RGS20: variants seen among roughly 807,000 people sequenced by gnomAD.
RGS20 encodes the protein gz-selective GTPase-activating protein.
RGS20 carries 30 observed loss-of-function variants against 33.6 expected under a neutral mutation model. That is an observed-to-expected ratio of 0.89 (90% confidence interval 0.67 to 1.21). The LOEUF is 1.21. Among genes scored for constraint, RGS20 ranks in the 50% most tolerant of loss-of-function variants. The pLI is 0.00. For synonymous variants in RGS20, 208 were observed against 197.9 expected (o/e 1.05, Z -0.43); for missense variants, 472 against 502.4 (o/e 0.94, Z 0.58).
chr8:53,946,417 A>C (rs1365114358), intron 3 of RGS20: 2 of 456,376 alleles, frequency 4.4e-6, no homozygotes, highest in Non-Finnish European at 8.0e-6. Context: ...TATTCTAAGT[A>C]TAATTGAACA....
At chr8:53,859,992 C>T (rs561010200) in intron 1 of RGS20, among the ~76,000 whole-genome samples, 2 of 152,266 alleles carry the variant, frequency 1.3e-5, no homozygotes, top group South Asian at 2.1e-4. Flanking sequence ...ACAGCCAAAC[C>T]ATATCGGGGA....
chr8:53,930,027 G>C (rs1049902774), intron 2 of RGS20, among the ~76,000 whole-genome samples: 1 of 152,126 alleles, frequency 6.6e-6, no homozygotes, highest in African/African-American at 2.4e-5. Flanking sequence ...AGAAAGTCTT[G>C]AGGAAGACAA....
chr8:53,905,521 C>T (rs1813139349), intron 2 of RGS20, among the ~76,000 whole-genome samples: 1 of 152,208 alleles, frequency 6.6e-6, no homozygotes, highest in Non-Finnish European at 1.5e-5. Context: ...CCAGCGTCCT[C>T]TCAAACTTAG....
chr8:53,918,858 C>T (rs934559816), intron 2 of RGS20, among the ~76,000 whole-genome samples: 1 of 152,138 alleles, frequency 6.6e-6, no homozygotes, highest in Non-Finnish European at 1.5e-5. Context: ...ATAATGTTTA[C>T]AACAATAAAC....
At position 53,958,620 on chromosome 8, in the gene RGS20, AAAC is replaced by A. The variant is rs1814946645; in HGVS notation, c.*163_*165del. ...ACAGACTGCTATATATTCACCATGTAAACTGCAGCCACCTTTAGTGATACTTTT... is the reference window on the plus strand; with the variant it reads ...ACAGACTGCTATATATTCACCATGTATGCAGCCACCTTTAGTGATACTTTT... On this transcript the variant is annotated 3_prime_UTR_variant, in exon 6 of 6. Transcript: ENST00000297313. 2.7e-6 allele frequency: 1 copy of A among 366,516 alleles called. No individual in the cohort carries two copies. The highest frequency in any genetic ancestry group is 4.7e-6 in the Non-Finnish European group (1 of 212,232). The allele number at this position is 366,516 out of a possible 1,614,324, so 22.7% of individuals were successfully genotyped here. A position where few individuals can be genotyped will look rare whatever the true frequency, so the allele number is the denominator to read the frequency against.
chr8:53,859,211 T>C (rs545232043), intron 1 of RGS20, among the ~76,000 whole-genome samples: 196 of 152,294 alleles, frequency 1.3e-3, no homozygotes, highest in Middle Eastern at 3.4e-3. Context: ...CGAACAAACT[T>C]TTCATATTCT....
At chr8:53,933,169 A>G (rs1343786338) in intron 2 of RGS20, among the ~76,000 whole-genome samples, 1 of 152,322 alleles carries the variant, frequency 6.6e-6, no homozygotes, top group East Asian at 1.9e-4. Flanking sequence ...CAGTGCAAAA[A>G]GGCTGAAAAT....
chr8:53,909,753 A>T (rs1217693025), intron 2 of RGS20, among the ~76,000 whole-genome samples: 1 of 152,202 alleles, frequency 6.6e-6, no homozygotes, highest in Admixed American at 6.5e-5. Context: ...GTGGGAAGGA[A>T]TTGTTGTGTG....
intron 2 of RGS20, chr8:53,880,895 G>A (rs1812347467): frequency 1.3e-6 from 2 of 1,501,210 alleles, no homozygotes; most frequent in Non-Finnish European, 1.8e-6. Context: ...GAAGAGGCCG[G>A]GAGAAGAGGG....
At chr8:53,953,984 T>C in intron 4 of RGS20, 92 bp from the exon 4 acceptor site, 1 of 893,774 alleles carries the variant, frequency 1.1e-6, no homozygotes, top group East Asian at 2.4e-5. Flanking sequence ...TTTTCATTCT[T>C]GGAGGAGGAA....
intron 4 of RGS20, among the ~76,000 whole-genome samples, chr8:53,953,779 T>A (rs1307936482): frequency 6.6e-6 from 1 of 152,178 alleles, no homozygotes; most frequent in Non-Finnish European, 1.5e-5. Context: ...CATTTACAGT[T>A]TTTAAAATAT....
At chr8:53,943,750 A>G (rs1158600290) in intron 3 of RGS20, among the ~76,000 whole-genome samples, 2 of 152,092 alleles carry the variant, frequency 1.3e-5, no homozygotes, top group African/African-American at 4.8e-5. Context: ...AACTCCTGTC[A>G]AATTCATCTC....
intron 2 of RGS20, among the ~76,000 whole-genome samples, chr8:53,920,832 C>A (rs554872871): frequency 1.3e-5 from 2 of 152,148 alleles, no homozygotes; most frequent in South Asian, 4.1e-4. Context: ...AATTTCAGCT[C>A]ACTGCAACCT....
At chr8:53,897,208 G>GA (rs1156287492) in intron 2 of RGS20, among the ~76,000 whole-genome samples, 1 of 152,210 alleles carries the variant, frequency 6.6e-6, no homozygotes, top group African/African-American at 2.4e-5. Flanking sequence ...AATTGATGGA[G>GA]AGGAACTTCT....
intron 2 of RGS20, among the ~76,000 whole-genome samples, chr8:53,938,113 A>G (rs1179271719): frequency 1.3e-5 from 2 of 152,238 alleles, no homozygotes; most frequent in African/African-American, 4.8e-5. Context: ...TGTTCACAGT[A>G]GCAAAGACTT....
At chr8:53,880,145 T>C (rs928518180) in intron 2 of RGS20, 21 of 152,688 alleles carry the variant, frequency 1.4e-4, no homozygotes, top group African/African-American at 5.1e-4. Flanking sequence ...GGACACGCGG[T>C]GCTGCGAGTC....
chr8:53,943,231 C>T (rs1464254969), intron 3 of RGS20, among the ~76,000 whole-genome samples: 2 of 151,958 alleles, frequency 1.3e-5, no homozygotes, highest in African/African-American at 4.8e-5. Flanking sequence ...TAGTGAATTT[C>T]CTTGTTTTTT....
At chr8:53,860,110 A>G (rs895730493) in intron 1 of RGS20, among the ~76,000 whole-genome samples, 7 of 152,238 alleles carry the variant, frequency 4.6e-5, no homozygotes, top group African/African-American at 1.2e-4. Context: ...AGAAACATCT[A>G]TAGAATGGTT....
In RGS20 at chr8:53,851,813, A is replaced by T. The variant is rs1277134390; in HGVS notation, c.-87A>T. On this transcript the variant is annotated 5_prime_UTR_variant, in exon 1 of 6. Transcript: ENST00000297313. ...CAGATTCAGAGCCAGCCCAGCATTAACCAAACAAAGAGAAGCAGAGTGGAT... is the reference window on the plus strand; with the variant it reads ...CAGATTCAGAGCCAGCCCAGCATTATCCAAACAAAGAGAAGCAGAGTGGAT... 1.2e-5 allele frequency: 17 copies of T among 1,427,644 alleles called. No individual in the cohort carries two copies. The highest frequency in any genetic ancestry group is 1.4e-5 in the Non-Finnish European group (15 of 1,048,794). 88.4% of individuals were successfully genotyped at this position (1,427,644 alleles called of 1,614,324 possible).
Sources: allele counts gnomAD v4.1 joint callset (sites outside exome capture counted in the v4.1 genomes callset), GRCh38; gene constraint gnomAD v4.1.1; transcripts MANE v1.5; gene names NCBI Gene and HGNC (gene_info 2026-07-23, HGNC 2026-07-21).